The following NRG1 variants were observed in gnomAD, a reference collection of about 807,000 sequenced individuals.
NRG1 encodes the protein pro-neuregulin-1, membrane-bound isoform.
A neutral mutation model predicts 63.8 loss-of-function variants in NRG1; 18 were observed. The ratio of observed to expected loss-of-function variants is 0.28; its 90% CI spans 0.19 to 0.42. The LOEUF (loss-of-function observed/expected upper bound fraction) is 0.42, where lower values mean the gene tolerates loss of function less well. Ranked by LOEUF, NRG1 falls within the 10% of genes least tolerant of loss-of-function variation. The pLI is 1.00. For synonymous variants in NRG1, 302 were observed against 301.3 expected (o/e 1.00, Z -0.02); for missense variants, 762 against 814.7 (o/e 0.94, Z 0.79).
intron 1 of NRG1, among the ~76,000 whole-genome samples, chr8:32,330,093 A>C: frequency 1.5e-5 from 2 of 135,360 alleles, no homozygotes; most frequent in South Asian, 2.6e-4. Context: ...TGTGTAGGGA[A>C]GGGGTCTTGC....
chr8:31,861,930 A>G (rs1374596313), intron 1 of NRG1, among the ~76,000 whole-genome samples: 3 of 152,152 alleles, frequency 2.0e-5, no homozygotes, highest in Admixed American at 2.0e-4. Flanking sequence ...GGTACCTCCT[A>G]TTTCATAAGG....
chr8:32,376,312 G>A, intron 1 of NRG1, among the ~76,000 whole-genome samples: 2 of 152,282 alleles, frequency 1.3e-5, no homozygotes, highest in Admixed American at 1.3e-4. Flanking sequence ...TATCTGCCCT[G>A]TGTGCTTTCT....
At chr8:31,781,087 G>C (rs1169307836) in intron 1 of NRG1, among the ~76,000 whole-genome samples, 2 of 150,358 alleles carry the variant, frequency 1.3e-5, no homozygotes, top group African/African-American at 4.9e-5. Context: ...CTTTTTTTTT[G>C]ACTTGCAAAT....
chr8:31,706,836 T>C (rs1017575388), intron 1 of NRG1, among the ~76,000 whole-genome samples: 2 of 152,204 alleles, frequency 1.3e-5, no homozygotes, highest in African/African-American at 4.8e-5. Context: ...TGTTCCTCTA[T>C]ACATGATTTG....
rs1806476162 is a variant in NRG1 at position 31,665,822 on chromosome 8, C to T, written c.37+26391C>T. On this transcript the variant is annotated intron_variant, in intron 1 of 10. Coordinates refer to the NRG1 transcript ENST00000519301. ...CAGGGCTCTCATCTGTTTAACTTTG[C>T]TAATTTGCTCCATTTTCAAATGAGT... Among the ~76,000 whole-genome samples the T allele has an allele frequency of 2.0e-5, 3 of 152,024 alleles. No individual in the cohort carries two copies. In the East Asian group the frequency reaches 5.8e-4, roughly 29 times the overall value.
intron 1 of NRG1, among the ~76,000 whole-genome samples, chr8:31,818,026 A>G (rs1220829088): frequency 6.6e-6 from 1 of 152,210 alleles, no homozygotes; most frequent in East Asian, 1.9e-4. Flanking sequence ...TGGAGCAACT[A>G]ATGATTTTGC....
intron 1 of NRG1, among the ~76,000 whole-genome samples, chr8:31,921,607 G>A (rs1833926026): frequency 6.6e-6 from 1 of 152,090 alleles, no homozygotes; most frequent in Admixed American, 6.6e-5. Flanking sequence ...AGCAGACTAT[G>A]ATCTCTGCAG....
intron 5 of NRG1, among the ~76,000 whole-genome samples, chr8:32,657,017 A>G (rs1801658703): frequency 6.6e-6 from 1 of 152,118 alleles, no homozygotes; most frequent in South Asian, 2.1e-4. Context: ...GAGTTAGCAC[A>G]GAATTTAATA....
At chr8:31,649,955 G>A (rs777829764) in intron 1 of NRG1, among the ~76,000 whole-genome samples, 1 of 152,056 alleles carries the variant, frequency 6.6e-6, no homozygotes, top group Non-Finnish European at 1.5e-5. Context: ...ACGCACCAGA[G>A]GCTGAGTCAT....
intron 1 of NRG1, among the ~76,000 whole-genome samples, chr8:31,777,592 T>C (rs750539901): frequency 6.6e-6 from 1 of 152,234 alleles, no homozygotes; most frequent in Non-Finnish European, 1.5e-5. Flanking sequence ...AAGGAATACC[T>C]GAAGCTGGGT....
At chr8:32,487,161 A>T (rs1246219523) in intron 1 of NRG1, among the ~76,000 whole-genome samples, 1 of 152,066 alleles carries the variant, frequency 6.6e-6, no homozygotes, top group Non-Finnish European at 1.5e-5. Flanking sequence ...AAAAAAAAAA[A>T]AAATAACGTA....
intron 1 of NRG1, among the ~76,000 whole-genome samples, chr8:32,319,998 A>C (rs748256099): frequency 7.2e-5 from 11 of 152,142 alleles, no homozygotes; most frequent in Non-Finnish European, 1.6e-4. Context: ...GGATATGTGA[A>C]AGAACCTAAG....
At chr8:32,543,992 C>T (rs1365164159), upstream of NRG1, among the ~76,000 whole-genome samples, 1 of 152,136 alleles carries the variant, frequency 6.6e-6, no homozygotes, top group Non-Finnish European at 1.5e-5. Context: ...ATTAAGCCTC[C>T]TTTCACCTCA....
intron 1 of NRG1, among the ~76,000 whole-genome samples, chr8:32,245,952 C>G (rs2129469982): frequency 6.6e-6 from 1 of 152,204 alleles, no homozygotes; most frequent in African/African-American, 2.4e-5. Flanking sequence ...AGGAAGTATC[C>G]TTTACCTGTA....
chr8:32,754,778 C>T (rs1416128175), intron 8 of NRG1, among the ~76,000 whole-genome samples: 1 of 152,002 alleles, frequency 6.6e-6, no homozygotes, highest in East Asian at 1.9e-4. Context: ...AATGAAGGCA[C>T]CTCATTCTAA....
At chr8:31,893,989 T>C (rs1167528280) in intron 1 of NRG1, among the ~76,000 whole-genome samples, 1 of 152,106 alleles carries the variant, frequency 6.6e-6, no homozygotes, top group Admixed American at 6.5e-5. Flanking sequence ...TGCAGTACCA[T>C]TCAGTCATTC....
chr8:32,315,205 C>A (rs752468535), intron 1 of NRG1, among the ~76,000 whole-genome samples: 1 of 152,168 alleles, frequency 6.6e-6, no homozygotes, highest in Non-Finnish European at 1.5e-5. Flanking sequence ...AAGCCCCACA[C>A]GCATTAGCTG....
intron 1 of NRG1, among the ~76,000 whole-genome samples, chr8:32,508,766 C>A (rs1004452738): frequency 6.6e-6 from 1 of 151,918 alleles, no homozygotes; most frequent in African/African-American, 2.4e-5. Flanking sequence ...GACAGAGTCT[C>A]ACTCCGTCAC....
At chr8:32,304,289 GCAAA>G (rs1389802357) in intron 1 of NRG1, among the ~76,000 whole-genome samples, 2 of 152,162 alleles carry the variant, frequency 1.3e-5, no homozygotes, top group African/African-American at 2.4e-5. Context: ...TGCGATTTTC[GCAAA>G]CAAATTATGA....
Sources: gnomAD v4.1 joint callset for allele counts (sites outside exome capture counted in the v4.1 genomes callset) on GRCh38, gnomAD v4.1.1 for gene constraint, MANE v1.5 for transcripts, NCBI Gene and HGNC (gene_info 2026-07-23, HGNC 2026-07-21) for gene names.